Variants in SPOCD1 observed in about 807,000 individuals in gnomAD.
The protein encoded by SPOCD1 is SPOC domain containing 1.
In SPOCD1, 64 loss-of-function variants were observed where a neutral mutation model predicts 92.2. The ratio of observed to expected loss-of-function variants is 0.69; its 90% CI spans 0.57 to 0.86. The LOEUF is 0.86. Among genes scored for constraint, SPOCD1 ranks in the 40% least tolerant of loss-of-function variants. SPOCD1 has a pLI of 0.00. For missense variants in SPOCD1, 1,360 were observed against 1,543.1 expected, an observed-to-expected ratio of 0.88 and a Z score of 1.99; for synonymous variants, 578 against 619.3, an observed-to-expected ratio of 0.93 and a Z score of 0.99.
intron 15 of SPOCD1, 129 bp from the exon 16 acceptor site, chr1:31,791,420 CG>C: frequency 1.4e-6 from 1 of 720,120 alleles, no homozygotes; most frequent in Non-Finnish European, 2.1e-6. Flanking sequence ...GGGGCTGTCT[CG>C]GAAGATTTGA....
At chr1:31,792,135 C>T (rs752672354) in intron 15 of SPOCD1, 80 bp downstream of exon 15, 5 of 1,479,536 alleles carry the variant, frequency 3.4e-6, no homozygotes, top group African/African-American at 2.8e-5. Context: ...CCTGCCTCTA[C>T]TGGGTGACTG....
At chr1:31,803,764 G>T (rs1648629123) in intron 2 of SPOCD1, among the ~76,000 whole-genome samples, 1 of 145,826 alleles carries the variant, frequency 6.9e-6, no homozygotes, top group African/African-American at 2.5e-5. Context: ...GGAAAGGAGA[G>T]GAGAAGAAAA....
At chr1:31,807,111 G>A (rs1486658923) in intron 2 of SPOCD1, among the ~76,000 whole-genome samples, 1 of 151,274 alleles carries the variant, frequency 6.6e-6, no homozygotes, top group Non-Finnish European at 1.5e-5. Context: ...CTCTTAGCCA[G>A]GCGTGGTGGC....
Position 31,815,273 on chromosome 1 carries a change from G to T in SPOCD1, c.61C>A (p.His21Asn). The T allele has an allele frequency of 6.3e-7, 1 of 1,595,832 alleles. No homozygotes were observed. The highest frequency in any genetic ancestry group is 8.6e-7 in the Non-Finnish European group (1 of 1,166,140). ...STGDPVLSPQ[H>N]NCELLQNMEG... Reference sequence around the variant, plus strand: ...ATGTTCTGTAAAAGCTCACAGTTGTGTTGGGGACTGAGCACAGGGTCTCCT... The same window carrying T: ...ATGTTCTGTAAAAGCTCACAGTTGTTTTGGGGACTGAGCACAGGGTCTCCT... Residue 21 changes from histidine (H) to asparagine (N), a missense_variant, in exon 2 of 16, where the codon CAC becomes AAC. Physicochemically the swap from His to Asn is moderately conservative, Grantham distance 68. Coordinates refer to ENST00000360482, the MANE Select transcript of SPOCD1 (RefSeq NM_144569.7).
intron 2 of SPOCD1, among the ~76,000 whole-genome samples, chr1:31,803,654 T>A (rs923838754): frequency 6.6e-6 from 1 of 151,600 alleles, no homozygotes; most frequent in African/African-American, 2.4e-5. Context: ...GGCGGCAGAA[T>A]TGTTTGAGCC....
In SPOCD1 at chr1:31,792,769, T is replaced by C. The variant is rs1247936944; in HGVS notation, c.2686-2A>G. ...CGAGCGGATCACGGTGGGCAGAGCC[T>C]AGGGGCAGGAAGGATGGCCAGTCAG... On this transcript the variant is annotated splice_acceptor_variant, in intron 13 of 15. Transcript: ENST00000360482. LOFTEE classifies it high-confidence loss of function. 6 of 1,599,242 alleles carry C rather than the reference T, an allele frequency of 3.8e-6. No homozygotes were observed. Among genetic ancestry groups the C allele is most frequent in the Non-Finnish European group, 5.1e-6 (6 of 1,173,286 alleles).
chr1:31,798,597 G>A lies in SPOCD1; in HGVS notation c.1873C>T (p.Arg625Trp), dbSNP rs1039924664. The stretch of plus-strand genomic sequence containing the variant: ...CTCAGCACTGGGTCTGGGAGCTCCC[G>A]AAGGCTGTGGAGGCCAGGGCAGGGC... Reference protein sequence around the residue: ...SMQEVLWTRLRELPDPVLSEE... With the variant: ...SMQEVLWTRLWELPDPVLSEE... Residue 625 changes from arginine to tryptophan, a missense_variant, in exon 8 of 16, where the codon CGG (arginine) becomes TGG (tryptophan). Physicochemically the swap from Arg to Trp is moderately radical, Grantham distance 101. Coordinates refer to ENST00000360482, the MANE Select transcript of SPOCD1 (RefSeq NM_144569.7). The surrounding 1 kb of genome is among the most constrained non-coding windows in gnomAD (Gnocchi z 4.1). 16 of 1,612,358 alleles carry A rather than the reference G, an allele frequency of 9.9e-6. No homozygotes were observed. In the African/African-American group the frequency reaches 1.2e-4, roughly 12 times the overall value.
At chr1:31,800,722 G>T in intron 3 of SPOCD1, 105 bp from the exon 4 acceptor site, 1 of 1,025,970 alleles carries the variant, frequency 9.7e-7, no homozygotes, top group Non-Finnish European at 1.4e-6. Flanking sequence ...TCCCACTGGA[G>T]TGTAAGCTCC....
rs780387600 is a variant in SPOCD1, at chr1:31,792,306, C to A, written c.2871G>T (p.Gly957=). 1 of 1,613,896 alleles carries A rather than the reference C, an allele frequency of 6.2e-7. No homozygotes were observed. Among genetic ancestry groups the A allele is most frequent in the Non-Finnish European group, 8.5e-7 (1 of 1,179,968 alleles). Reference sequence around the variant, plus strand: ...TCCCCATGTGCTCCACAGAGGCCAGCCCGTGGCGCTGCCTATCATTGAGGT... The same window carrying A: ...TCCCCATGTGCTCCACAGAGGCCAGACCGTGGCGCTGCCTATCATTGAGGT... The part of the protein sequence containing the change: ...YSYLNDRQRH[G]LASVEHMGMV... Residue 957 remains glycine, a synonymous_variant, in exon 15 of 16, where the codon GGG becomes GGT. Transcript: ENST00000360482.
chr1:31,806,780 C>T (rs944550666), intron 2 of SPOCD1, among the ~76,000 whole-genome samples: 2 of 152,098 alleles, frequency 1.3e-5, no homozygotes, highest in Non-Finnish European at 2.9e-5. Flanking sequence ...GTCTCAAACT[C>T]CTGACCTCAT....
At chr1:31,797,065 T>G (rs1648081121) in intron 9 of SPOCD1, among the ~76,000 whole-genome samples, 1 of 152,198 alleles carries the variant, frequency 6.6e-6, no homozygotes, top group Non-Finnish European at 1.5e-5. Context: ...TTAATAAAGA[T>G]TCATAAGATG....
Position 31,814,404 on chromosome 1 carries a change from A to C in SPOCD1, c.930T>G (p.Ser310Arg). The C allele has an allele frequency of 1.9e-6, 3 of 1,609,276 alleles. No individual in the cohort carries two copies. Among genetic ancestry groups the C allele is most frequent in the South Asian group, 1.1e-5 (1 of 90,486 alleles). Residue 310 changes from serine (S) to arginine (R), a missense_variant, in exon 2 of 16, where the codon AGT becomes AGG. Ser to Arg is a moderately radical substitution (Grantham distance 110, BLOSUM62 -1). This residue lies in a region of SPOCD1 where 606 missense variants were observed against 601.5 expected (regional missense o/e 1.01). Coordinates refer to ENST00000360482, the MANE Select transcript of SPOCD1 (RefSeq NM_144569.7). This position sits in a 1 kb window ranked among gnomAD's most constrained non-coding sequence, Gnocchi z 4.2. ...CAGCTGAACTGAGGGACTCCCCTCC[A>C]CTGGGCACTGGGAACCCGACAGGGC... The part of the protein sequence containing the change: ...PCGPVGFPVP[S>R]GGESLSSAAQ...
In SPOCD1 at chr1:31,814,585, T is replaced by G; in HGVS notation, c.749A>C (p.Glu250Ala). ...VGDPPQVADL[E>A]SLGGPCRPPS... Reference sequence around the variant, plus strand: ...AGGTCTGCAAGGGCCTCCCAAGGACTCCAGGTCAGCAACTTGGGGAGGGTC... The same window carrying G: ...AGGTCTGCAAGGGCCTCCCAAGGACGCCAGGTCAGCAACTTGGGGAGGGTC... The change falls in exon 2 of 16, where the codon GAG becomes GCG. Residue 250 changes from glutamate (E) to alanine (A), a missense_variant. Glu to Ala is a moderately radical substitution (Grantham distance 107, BLOSUM62 -1). This residue lies in a region of SPOCD1 where 606 missense variants were observed against 601.5 expected (regional missense o/e 1.01). Coordinates refer to ENST00000360482, the MANE Select transcript of SPOCD1 (RefSeq NM_144569.7). This position sits in a 1 kb window ranked among gnomAD's most constrained non-coding sequence, Gnocchi z 4.2. The G allele has an allele frequency of 6.5e-7, 1 of 1,529,724 alleles. No individual in the cohort carries two copies. Among genetic ancestry groups the G allele is most frequent in the South Asian group, 1.3e-5 (1 of 76,328 alleles). The allele number at this position is 1,529,724 out of a possible 1,614,324, so 94.8% of individuals were successfully genotyped here.
chr1:31,793,615 G>A lies in SPOCD1; in HGVS notation c.2534+132C>T, dbSNP rs1377713030. 3.9e-6 allele frequency: 6 copies of A among 1,533,994 alleles called. No individual in the cohort carries two copies. In the Middle Eastern group the frequency reaches 6.7e-4, roughly 172 times the overall value. Reference sequence around the variant, plus strand: ...TAGTTCCATTGCACAGATGGGGAAAGTGAGGTTCCCAAGGGAGGGAAGACT... The same window carrying A: ...TAGTTCCATTGCACAGATGGGGAAAATGAGGTTCCCAAGGGAGGGAAGACT... On this transcript the variant is annotated intron_variant, in intron 12 of 15. Transcript: ENST00000360482.
chr1:31,809,440 A>G (rs1649049876), intron 2 of SPOCD1, among the ~76,000 whole-genome samples: 1 of 152,028 alleles, frequency 6.6e-6, no homozygotes, highest in African/African-American at 2.4e-5. Flanking sequence ...TAACCTGGCA[A>G]TTCCACCCCA....
intron 2 of SPOCD1, among the ~76,000 whole-genome samples, chr1:31,805,345 C>T (rs146094144): frequency 6.6e-6 from 1 of 151,936 alleles, no homozygotes; most frequent in Admixed American, 6.6e-5. Flanking sequence ...AACATCTAAA[C>T]TACTAGAGGG....
chr1:31,796,658 T>C lies in SPOCD1; in HGVS notation c.2203A>G (p.Met735Val), dbSNP rs1295204693. 4 of 1,614,104 alleles carry C rather than the reference T, an allele frequency of 2.5e-6. No individual in the cohort carries two copies. In the African/African-American group the frequency reaches 4.0e-5, roughly 16 times the overall value. ...KEPCRLPASK[M>V]THKGEVEIQR... Reference sequence around the variant, plus strand: ...ATCTCCACTTCGCCCTTGTGGGTCATTTTGGAGGCTGGAAGTCTGCACGGC... The same window carrying C: ...ATCTCCACTTCGCCCTTGTGGGTCACTTTGGAGGCTGGAAGTCTGCACGGC... The change falls in exon 10 of 16, where the codon ATG (methionine) becomes GTG (valine). Residue 735 changes from methionine to valine, a missense_variant. By Grantham distance (21) the Met-to-Val change is conservative. Around this residue, in one of 3 missense-constraint regions of SPOCD1, gnomAD observed 614 missense variants for 757.8 expected, o/e 0.81. Transcript: ENST00000360482.
At chr1:31,801,607 T>TCCACC in intron 3 of SPOCD1, 57 bp downstream of exon 3, 2 of 1,551,606 alleles carry the variant, frequency 1.3e-6, no homozygotes, top group Non-Finnish European at 1.8e-6. Context: ...GCCCTCCCAC[T>TCCACC]CCACCCCACC....
rs1165760259 is a variant in SPOCD1, at chr1:31,814,101, G to A, written c.1233C>T (p.Gly411=). The A allele has an allele frequency of 6.2e-7, 1 of 1,612,026 alleles. No homozygotes were observed. The highest frequency in any genetic ancestry group is 1.3e-5 in the African/African-American group (1 of 74,918). Residue 411 remains glycine (G), a synonymous_variant, in exon 2 of 16, where the codon GGC becomes GGT. Transcript: ENST00000360482. The surrounding 1 kb of genome is among the most constrained non-coding windows in gnomAD (Gnocchi z 4.2). The stretch of plus-strand genomic sequence containing the variant: ...TGGATCTTCTCTGCTCCATGAATGG[G>A]CCTGAGCAGGCCCTGCTGGCTTCAG... ...LDTEASRACS[G]PFMEQRRSKG...
Sources: gnomAD v4.1 joint callset for allele counts (sites outside exome capture counted in the v4.1 genomes callset) on GRCh38, gnomAD v4.1.1 for gene constraint, gnomAD v4.1.1 regional missense constraint, Gnocchi (gnomAD v3.1) non-coding constraint, MANE v1.5 for transcripts, NCBI Gene and HGNC (gene_info 2026-07-23, HGNC 2026-07-21) for gene names.